The following DDX50 variants were observed in gnomAD, a reference collection of about 807,000 sequenced individuals.
DDX50 encodes ATP-dependent RNA helicase DDX50.
A neutral mutation model predicts 94.8 loss-of-function variants in DDX50; 56 were observed. The observed-to-expected ratio is 0.59, with a 90% CI of 0.48 to 0.74. The LOEUF (loss-of-function observed/expected upper bound fraction) is 0.74. DDX50 is among the 30% of genes least tolerant of loss of function. The probability of loss-of-function intolerance (pLI) is 0.00; values close to 1 mark genes in which losing one functional copy is unlikely to be tolerated. For synonymous variants in DDX50, 264 were observed against 295.4 expected (o/e 0.89, Z 1.09); for missense variants, 713 against 881.2 (o/e 0.81, Z 2.42).
intron 6 of DDX50, 122 bp from the exon 7 acceptor site, chr10:68,913,937 G>A (rs1244510291): frequency 1.0e-6 from 1 of 1,003,368 alleles, no homozygotes; most frequent in African/African-American, 1.7e-5. Flanking sequence ...AAGTCTGTGT[G>A]TTAAAAATTC....
rs112172919 is a variant in DDX50 at position 68,917,134 on chromosome 10, CT to C, written c.1090-2689del. ...TTAAACATTTTATAATCTATAGTTC[CT>C]TTTTTTTTCTTTGCAATTTTCTGTT... On this transcript the variant is annotated intron_variant, in intron 7 of 14. Coordinates refer to ENST00000373585, the MANE Select transcript of DDX50 (RefSeq NM_024045.2). Among the ~76,000 whole-genome samples, 385 of 151,204 alleles carry C rather than the reference CT, an allele frequency of 2.5e-3. 1 individual carries two copies. Among genetic ancestry groups the C allele is most frequent in the African/African-American group, 8.4e-3 (347 of 41,178 alleles).
intron 1 of DDX50, among the ~76,000 whole-genome samples, chr10:68,903,763 T>C (rs1841359937): frequency 6.6e-6 from 1 of 151,474 alleles, no homozygotes; most frequent in Non-Finnish European, 1.5e-5. Context: ...ATCGCACCAC[T>C]GCACTGCAGC....
intron 1 of DDX50, among the ~76,000 whole-genome samples, chr10:68,902,289 G>C (rs1208624833): frequency 6.6e-6 from 1 of 151,372 alleles, no homozygotes; most frequent in Non-Finnish European, 1.5e-5. Flanking sequence ...TATTACTGGA[G>C]ACATTTGACC....
intron 1 of DDX50, among the ~76,000 whole-genome samples, chr10:68,902,218 G>GA (rs1841312049): frequency 8.2e-6 from 1 of 122,280 alleles, no homozygotes; most frequent in Non-Finnish European, 1.8e-5. Context: ...AAAAGGAAAA[G>GA]AAAAAACATC....
intron 4 of DDX50, chr10:68,911,531 C>T (rs139502550): frequency 1.5e-3 from 326 of 224,066 alleles, no homozygotes; most frequent in African/African-American, 6.8e-3. Flanking sequence ...TGACCCTTTT[C>T]TTCTCTTTTC....
intron 14 of DDX50, among the ~76,000 whole-genome samples, chr10:68,945,378 C>T (rs1589276450): frequency 1.3e-5 from 2 of 152,052 alleles, no homozygotes; most frequent in East Asian, 1.9e-4. Context: ...ACGATCTCGG[C>T]TCACTGCAAC....
chr10:68,929,229 GA>G (rs1203742426), intron 8 of DDX50, among the ~76,000 whole-genome samples: 2 of 150,190 alleles, frequency 1.3e-5, no homozygotes, highest in Non-Finnish European at 3.0e-5. Context: ...TTACAGGTAT[GA>G]GCCACTATGC....
intron 10 of DDX50, among the ~76,000 whole-genome samples, chr10:68,935,786 G>T (rs1370542795): frequency 1.3e-5 from 2 of 152,102 alleles, no homozygotes; most frequent in Non-Finnish European, 2.9e-5. Context: ...AGTGAGCCAA[G>T]ATCACGCCAC....
rs1162533559 is a variant in DDX50 at position 68,936,795 on chromosome 10, C to T, written c.1596-141C>T. The T allele has an allele frequency of 2.8e-5, 20 of 724,174 alleles. No individual in the cohort carries two copies. The East Asian group carries it at 3.4e-4, about 12-fold the overall frequency. The allele number at this position is 724,174 out of a possible 1,614,324, so 44.9% of individuals were successfully genotyped here. On this transcript the variant is annotated intron_variant, in intron 11 of 14. Coordinates refer to ENST00000373585, the MANE Select transcript of DDX50 (RefSeq NM_024045.2). Reference sequence around the variant, plus strand: ...GGTTGAGGCTGCAGTGAGCCAAGATCGTGCCAGTGCGCTCCAGACTGGGTG... The same window carrying T: ...GGTTGAGGCTGCAGTGAGCCAAGATTGTGCCAGTGCGCTCCAGACTGGGTG...
intron 8 of DDX50, among the ~76,000 whole-genome samples, chr10:68,928,597 A>G (rs1281013586): frequency 6.6e-6 from 1 of 152,142 alleles, no homozygotes. Context: ...AGGAATATAG[A>G]AGTATAGATA....
chr10:68,917,652 G>C (rs926154634), intron 7 of DDX50, among the ~76,000 whole-genome samples: 1 of 152,182 alleles, frequency 6.6e-6, no homozygotes, highest in Non-Finnish European at 1.5e-5. Flanking sequence ...CCCGGCTGCA[G>C]TGCAGTGTGG....
At position 68,913,672 on chromosome 10, in the gene DDX50, G is replaced by C. The variant is rs2132029388; in HGVS notation, c.943+96G>C. 6 of 1,229,140 alleles carry C rather than the reference G, an allele frequency of 4.9e-6. No homozygotes were observed. In the South Asian group the frequency reaches 9.5e-5, roughly 20 times the overall value. 76.1% of individuals were successfully genotyped at this position (1,229,140 alleles called of 1,614,324 possible). A position where few individuals can be genotyped will look rare whatever the true frequency, so the allele number is the denominator to read the frequency against. On this transcript the variant is annotated intron_variant, in intron 6 of 14. Transcript: ENST00000373585. ...AATAATTTTTATTGCAGTGTCCCCTGCGTTCTAACAAAACTAAAATAATTT... is the reference window on the plus strand; with the variant it reads ...AATAATTTTTATTGCAGTGTCCCCTCCGTTCTAACAAAACTAAAATAATTT...
intron 1 of DDX50, among the ~76,000 whole-genome samples, chr10:68,904,490 A>G (rs1841384616): frequency 2.0e-5 from 3 of 152,354 alleles, no homozygotes; most frequent in South Asian, 2.1e-4. Context: ...TAGAGAACAG[A>G]TACTCAAGGA....
chr10:68,936,948 C>T lies in DDX50; in HGVS notation c.1608C>T (p.Ser536=), dbSNP rs777351692. 36 of 1,606,040 alleles carry T rather than the reference C, an allele frequency of 2.2e-5. No homozygotes were observed. Among genetic ancestry groups the T allele is most frequent in the Non-Finnish European group, 2.6e-5 (31 of 1,176,026 alleles). ...KSMDAIRSLA[S]VSYAAVDFFR... is the part of the protein sequence containing the mutation. ...TTTTAAACCATAGGTCTCTGGCTTCCGTTTCTTACGCTGCTGTTGATTTTT... is the reference window on the plus strand; with the variant it reads ...TTTTAAACCATAGGTCTCTGGCTTCTGTTTCTTACGCTGCTGTTGATTTTT... Residue 536 remains serine (S), a synonymous_variant, in exon 12 of 15, where the codon TCC becomes TCT. Coordinates refer to ENST00000373585, the MANE Select transcript of DDX50 (RefSeq NM_024045.2).
chr10:68,944,736 G>A (rs1180888390), intron 14 of DDX50, among the ~76,000 whole-genome samples: 2 of 151,978 alleles, frequency 1.3e-5, no homozygotes, highest in Non-Finnish European at 2.9e-5. Context: ...TAGTAGAGAC[G>A]GGGTTTCACC....
chr10:68,911,492 A>G (rs577781789), intron 4 of DDX50, among the ~76,000 whole-genome samples: 1 of 152,322 alleles, frequency 6.6e-6, no homozygotes. Flanking sequence ...TAAAGCCGGT[A>G]TATCTTATTT....
At chr10:68,915,338 G>T (rs376140495) in intron 7 of DDX50, among the ~76,000 whole-genome samples, 3 of 151,782 alleles carry the variant, frequency 2.0e-5, no homozygotes, top group African/African-American at 7.2e-5. Context: ...GCGTGAATCC[G>T]GGAGGTGAAG....
intron 2 of DDX50, 140 bp from the exon 3 acceptor site, chr10:68,910,167 A>C: frequency 1.4e-6 from 1 of 705,908 alleles, no homozygotes; most frequent in Admixed American, 2.8e-5. Context: ...AACCTGGGCA[A>C]CAGAGTGGGA....
intron 1 of DDX50, among the ~76,000 whole-genome samples, chr10:68,901,675 TG>T (rs1482393211): frequency 6.6e-6 from 1 of 152,182 alleles, no homozygotes; most frequent in African/African-American, 2.4e-5. Context: ...CCCTGGGCTT[TG>T]GGCCTCTCCT....
Sources: gnomAD v4.1 joint callset for allele counts (sites outside exome capture counted in the v4.1 genomes callset) on GRCh38, gnomAD v4.1.1 for gene constraint, MANE v1.5 for transcripts, NCBI Gene and HGNC (gene_info 2026-07-23, HGNC 2026-07-21) for gene names.